The following ARHGEF38 variants were observed in gnomAD, a reference collection of about 807,000 sequenced individuals.
The protein encoded by ARHGEF38 is Rho guanine nucleotide exchange factor 38.
Under a neutral mutation model 79.9 loss-of-function variants are expected in ARHGEF38, and 79 were observed. That is an observed-to-expected ratio of 0.99 (90% CI 0.82 to 1.19). The LOEUF (loss-of-function observed/expected upper bound fraction) is 1.19. Among genes scored for constraint, ARHGEF38 ranks in the 50% most tolerant of loss-of-function variants. The pLI, the probability that ARHGEF38 is intolerant of heterozygous loss-of-function variation, is 0.00. For synonymous variants in ARHGEF38, 366 were observed against 328.3 expected (o/e 1.11, Z -1.24); for missense variants, 962 against 907.2 (o/e 1.06, Z -0.78).
intron 3 of ARHGEF38, among the ~76,000 whole-genome samples, chr4:105,626,735 G>T (rs939328961): frequency 6.6e-6 from 1 of 151,760 alleles, no homozygotes; most frequent in Non-Finnish European, 1.5e-5. Context: ...ACACAATCTG[G>T]TCAGTTACCT....
intron 2 of ARHGEF38, among the ~76,000 whole-genome samples, chr4:105,612,545 G>C (rs899324322): frequency 1.6e-4 from 24 of 152,070 alleles, no homozygotes; most frequent in African/African-American, 5.8e-4. Flanking sequence ...GCTGTGGCCT[G>C]ACCAGTCACT....
At chr4:105,604,461 T>A (rs887761831) in intron 2 of ARHGEF38, among the ~76,000 whole-genome samples, 1 of 152,208 alleles carries the variant, frequency 6.6e-6, no homozygotes, top group African/African-American at 2.4e-5. Context: ...CTTTCATTTA[T>A]CATCTCTAGG....
intron 2 of ARHGEF38, among the ~76,000 whole-genome samples, chr4:105,602,103 G>A (rs986061375): frequency 2.0e-5 from 3 of 152,146 alleles, no homozygotes; most frequent in Non-Finnish European, 2.9e-5. Context: ...AGAAGGGATG[G>A]GATTTGCACT....
intron 3 of ARHGEF38, among the ~76,000 whole-genome samples, chr4:105,629,954 C>A (rs1729112278): frequency 6.6e-6 from 1 of 152,080 alleles, no homozygotes; most frequent in Non-Finnish European, 1.5e-5. Context: ...TTCAGAGAGC[C>A]TCAGGAAATA....
At position 105,589,349 on chromosome 4, in the gene ARHGEF38, A is replaced by G; in HGVS notation, c.298A>G (p.Lys100Glu). Residue 100 changes from lysine to glutamate, a missense_variant, in exon 2 of 14, where the codon AAG becomes GAG. Coordinates refer to ENST00000420470, the MANE Select transcript of ARHGEF38 (RefSeq NM_001242729.2). ...RMMAKREKII[K>E]ELIQTEKDYL... is the part of the protein sequence containing the mutation. ...GATGGCAAAGCGGGAAAAGATCATT[A>G]AGGAGCTGATACAGACAGAAAAGGA... The G allele has an allele frequency of 6.2e-7, 1 of 1,614,162 alleles. No individual in the cohort carries two copies. Among genetic ancestry groups the G allele is most frequent in the Non-Finnish European group, 8.5e-7 (1 of 1,180,006 alleles).
intron 2 of ARHGEF38, among the ~76,000 whole-genome samples, chr4:105,610,191 A>C (rs562007382): frequency 6.6e-6 from 1 of 152,156 alleles, no homozygotes; most frequent in Non-Finnish European, 1.5e-5. Flanking sequence ...GGAACAACAC[A>C]CACTAGGGCT....
chr4:105,623,958 G>A (rs1262754108), intron 3 of ARHGEF38, among the ~76,000 whole-genome samples: 2 of 152,078 alleles, frequency 1.3e-5, no homozygotes, highest in Non-Finnish European at 2.9e-5. Context: ...CCTTCTTTGA[G>A]AGCCCCACCA....
chr4:105,631,526 A>G (rs1048940813), intron 4 of ARHGEF38: 8 of 985,540 alleles, frequency 8.1e-6, no homozygotes, highest in Non-Finnish European at 9.6e-6. Context: ...AGTTAGTTTC[A>G]GAACAATTAC....
In ARHGEF38 at chr4:105,620,137, G is replaced by A. The variant is rs187394003; in HGVS notation, c.508+6630G>A. On this transcript the variant is annotated intron_variant, in intron 3 of 13. Transcript: ENST00000420470. ...GTACTGTCATGCCAAGATACAAAGT[G>A]GATTTTAAAATCTTGACTTAAGCAC... Among the ~76,000 whole-genome samples the A allele has an allele frequency of 4.4e-3, 669 of 152,250 alleles. 4 individuals are homozygous for A. Among genetic ancestry groups the A allele is most frequent in the Middle Eastern group, 6.8e-3 (2 of 292 alleles).
intron 10 of ARHGEF38, among the ~76,000 whole-genome samples, chr4:105,662,157 T>G (rs1235147263): frequency 6.6e-6 from 1 of 152,174 alleles, no homozygotes; most frequent in Non-Finnish European, 1.5e-5. Context: ...TTGCATTTCT[T>G]TAAGTATTAG....
intron 13 of ARHGEF38, among the ~76,000 whole-genome samples, chr4:105,674,125 A>G (rs1246518647): frequency 6.6e-6 from 1 of 152,146 alleles, no homozygotes; most frequent in Non-Finnish European, 1.5e-5. Context: ...AATATAGAAT[A>G]AGGGAATGCC....
intron 4 of ARHGEF38, among the ~76,000 whole-genome samples, chr4:105,635,331 T>A (rs1349075367): frequency 2.0e-5 from 3 of 152,110 alleles, no homozygotes; most frequent in Non-Finnish European, 2.9e-5. Flanking sequence ...AGATTGTTGT[T>A]TTATCCTACT....
intron 7 of ARHGEF38, among the ~76,000 whole-genome samples, chr4:105,650,852 T>C (rs6839747): frequency 6.6e-6 from 1 of 152,156 alleles, no homozygotes; most frequent in East Asian, 1.9e-4. Context: ...GGAACTATAA[T>C]GTAAGAAGTT....
At chr4:105,585,873 A>C (rs912787577) in intron 1 of ARHGEF38, among the ~76,000 whole-genome samples, 1 of 151,684 alleles carries the variant, frequency 6.6e-6, no homozygotes, top group African/African-American at 2.4e-5. Context: ...CTGGGATTAC[A>C]GGCATGTGCC....
chr4:105,647,248 C>T (rs1729883753), intron 6 of ARHGEF38, among the ~76,000 whole-genome samples: 2 of 152,064 alleles, frequency 1.3e-5, no homozygotes, highest in African/African-American at 4.8e-5. Flanking sequence ...CAGACGTACT[C>T]TGTCTTCTTT....
At chr4:105,636,474 A>G in intron 5 of ARHGEF38, 54 bp downstream of exon 5, 1 of 317,072 alleles carries the variant, frequency 3.2e-6, no homozygotes, top group Non-Finnish European at 5.2e-6. Flanking sequence ...GAGAAAATGC[A>G]GCTGACTGTT....
intron 2 of ARHGEF38, among the ~76,000 whole-genome samples, chr4:105,606,096 G>A (rs1438506700): frequency 6.6e-6 from 1 of 152,056 alleles, no homozygotes; most frequent in African/African-American, 2.4e-5. Context: ...GGAGTAGAGG[G>A]CACCAAGGTT....
rs867718133 is a variant in ARHGEF38, at chr4:105,589,154, C to T, written c.197-94C>T. ...TCATGAGGATACCTTCAGCCTTTTT[C>T]CTTGTTAACAAAGTCCTTCGAAGGC... On this transcript the variant is annotated intron_variant, in intron 1 of 13. Transcript: ENST00000420470. 10 of 994,788 alleles carry T rather than the reference C, an allele frequency of 1.0e-5. No homozygotes were observed. In the Middle Eastern group the frequency reaches 1.8e-3, roughly 177 times the overall value. The allele number at this position is 994,788 out of a possible 1,614,324, so 61.6% of individuals were successfully genotyped here.
intron 3 of ARHGEF38, among the ~76,000 whole-genome samples, chr4:105,627,590 A>G (rs1361970984): frequency 6.6e-6 from 1 of 152,146 alleles, no homozygotes; most frequent in Non-Finnish European, 1.5e-5. Flanking sequence ...GCCAATGCAG[A>G]AATTCTTGGG....
Sources: gnomAD v4.1 joint callset for allele counts (sites outside exome capture counted in the v4.1 genomes callset) on GRCh38, gnomAD v4.1.1 for gene constraint, MANE v1.5 for transcripts, NCBI Gene and HGNC (gene_info 2026-07-23, HGNC 2026-07-21) for gene names.